The following SH3RF1 variants were observed in gnomAD, a reference collection of about 807,000 sequenced individuals.
SH3RF1 encodes E3 ubiquitin-protein ligase SH3RF1.
In SH3RF1, 32 loss-of-function variants were observed where a neutral mutation model predicts 74.0. The observed-to-expected ratio is 0.43, with a 90% CI of 0.33 to 0.58. The LOEUF (loss-of-function observed/expected upper bound fraction) is 0.58, where lower values mean the gene tolerates loss of function less well. Among genes scored for constraint, SH3RF1 ranks in the 20% least tolerant of loss-of-function variants. SH3RF1 has a pLI of 0.05. For missense variants in SH3RF1, 954 were observed against 1,130.9 expected, an observed-to-expected ratio of 0.84 and a Z score of 2.24; for synonymous variants, 396 against 439.6, an observed-to-expected ratio of 0.90 and a Z score of 1.24.
At chr4:169,142,585 T>G (rs950628051) in intron 4 of SH3RF1, among the ~76,000 whole-genome samples, 9 of 152,246 alleles carry the variant, frequency 5.9e-5, no homozygotes, top group African/African-American at 2.2e-4. Context: ...TTTTTCCACA[T>G]GACTCAGCAG....
chr4:169,249,626 A>G (rs1731064449), intron 2 of SH3RF1, among the ~76,000 whole-genome samples: 1 of 152,218 alleles, frequency 6.6e-6, no homozygotes, highest in African/African-American at 2.4e-5. Context: ...AAAGCACACA[A>G]TTATCTGCTG....
intron 2 of SH3RF1, among the ~76,000 whole-genome samples, chr4:169,253,788 A>C (rs891834319): frequency 5.3e-5 from 8 of 152,276 alleles, no homozygotes; most frequent in African/African-American, 1.4e-4. Flanking sequence ...AAAGATCAAC[A>C]TGACAGTTGG....
intron 2 of SH3RF1, among the ~76,000 whole-genome samples, chr4:169,178,020 C>T (rs770254198): frequency 1.4e-4 from 22 of 151,782 alleles, no homozygotes; most frequent in Non-Finnish European, 2.5e-4. Flanking sequence ...GTGAGTGGAT[C>T]GTTTGGGGTG....
chr4:169,197,244 C>T (rs1168199263), intron 2 of SH3RF1, among the ~76,000 whole-genome samples: 1 of 152,016 alleles, frequency 6.6e-6, no homozygotes, highest in Non-Finnish European at 1.5e-5. Flanking sequence ...TCAGGTGATC[C>T]ACGTGCCTCA....
At chr4:169,236,383 C>T (rs189149001) in intron 2 of SH3RF1, among the ~76,000 whole-genome samples, 18 of 152,238 alleles carry the variant, frequency 1.2e-4, no homozygotes, top group African/African-American at 4.1e-4. Context: ...CTATAATGAG[C>T]GGTGTCCCTC....
rs184867760 is a variant in SH3RF1, at chr4:169,121,285, G to A, written c.1347-296C>T. Among the ~76,000 whole-genome samples the A allele has an allele frequency of 6.6e-5, 10 of 152,294 alleles. No homozygotes were observed. The East Asian group carries it at 1.9e-3, about 29-fold the overall frequency. ...AAGAATTAATGCAGTTTCCAAGAGTGCCTAACTTGCTACCAGAGATTATGT... is the reference window on the plus strand; with the variant it reads ...AAGAATTAATGCAGTTTCCAAGAGTACCTAACTTGCTACCAGAGATTATGT... On this transcript the variant is annotated intron_variant, in intron 7 of 11. Transcript: ENST00000284637.
rs142753366 is a variant in SH3RF1, at chr4:169,133,504, G to A, written c.1068+2814C>T. ...AAAAGAAAAAAAAAAGAGGCTGTGC[G>A]TGGTGGCTCACACCTGTAATCCCAG... On this transcript the variant is annotated intron_variant, in intron 5 of 11. Transcript: ENST00000284637. Among the ~76,000 whole-genome samples, 230 of 152,046 alleles carry A rather than the reference G, an allele frequency of 1.5e-3. 2 individuals are homozygous for A. The highest frequency in any genetic ancestry group is 4.8e-3 in the African/African-American group (200 of 41,480).
intron 1 of SH3RF1, among the ~76,000 whole-genome samples, chr4:169,270,463 G>C (rs1179247439): frequency 1.3e-5 from 2 of 151,458 alleles, no homozygotes; most frequent in Non-Finnish European, 2.9e-5. Flanking sequence ...CTACACGACT[G>C]CGGGAAGTTT....
chr4:169,170,274 T>C (rs1734304084), intron 2 of SH3RF1, among the ~76,000 whole-genome samples: 1 of 152,184 alleles, frequency 6.6e-6, no homozygotes, highest in Non-Finnish European at 1.5e-5. Context: ...ACACATTTTT[T>C]TCTGTTTCTA....
chr4:169,147,600 G>A (rs144339794), intron 4 of SH3RF1, among the ~76,000 whole-genome samples: 270 of 152,274 alleles, frequency 1.8e-3, no homozygotes, highest in African/African-American at 6.1e-3. Flanking sequence ...TCAACATATG[G>A]AGGAATTTTC....
At chr4:169,207,125 C>T (rs1375568613) in intron 2 of SH3RF1, among the ~76,000 whole-genome samples, 1 of 152,012 alleles carries the variant, frequency 6.6e-6, no homozygotes, top group Admixed American at 6.6e-5. Context: ...GCCTGGCTAA[C>T]TTTTTTCTCT....
intron 2 of SH3RF1, among the ~76,000 whole-genome samples, chr4:169,262,593 G>A (rs1731296417): frequency 6.6e-6 from 1 of 152,124 alleles, no homozygotes; most frequent in Non-Finnish European, 1.5e-5. Flanking sequence ...CTTGAACCCA[G>A]GAGGCTGAGG....
chr4:169,234,765 C>T (rs935877537), intron 2 of SH3RF1, among the ~76,000 whole-genome samples: 1 of 152,140 alleles, frequency 6.6e-6, no homozygotes, highest in Non-Finnish European at 1.5e-5. Flanking sequence ...AAACAATTCA[C>T]GGTAAATTGA....
chr4:169,129,523 C>CA (rs577292505), intron 6 of SH3RF1, among the ~76,000 whole-genome samples: 22 of 152,242 alleles, frequency 1.4e-4, no homozygotes, highest in African/African-American at 5.3e-4. Flanking sequence ...GAAGGGAAAT[C>CA]AACATAATCT....
intron 4 of SH3RF1, among the ~76,000 whole-genome samples, chr4:169,138,734 T>C (rs769288460): frequency 6.6e-6 from 1 of 152,190 alleles, no homozygotes; most frequent in Non-Finnish European, 1.5e-5. Context: ...TATAGTCTCA[T>C]CATGATCATA....
At chr4:169,171,423 A>T (rs529608813) in intron 2 of SH3RF1, among the ~76,000 whole-genome samples, 3 of 152,196 alleles carry the variant, frequency 2.0e-5, no homozygotes, top group Admixed American at 2.0e-4. Flanking sequence ...AATGAGGGGG[A>T]AACAGACCGT....
At chr4:169,264,411 C>A (rs1221724627) in intron 2 of SH3RF1, among the ~76,000 whole-genome samples, 2 of 152,120 alleles carry the variant, frequency 1.3e-5, no homozygotes, top group African/African-American at 4.8e-5. Context: ...AATATGGCCA[C>A]ATTGTGAGGT....
Position 169,268,862 on chromosome 4 carries a change from G to A in SH3RF1, c.351C>T (p.Gly117=), listed in dbSNP as rs1340451028. 1.2e-6 allele frequency: 2 copies of A among 1,610,712 alleles called. No individual in the cohort carries two copies. Among genetic ancestry groups the A allele is most frequent in the Non-Finnish European group, 8.5e-7 (1 of 1,179,032 alleles). ...AGGATTGCACCCGAGGCTGCTGTCC[G>A]CCCTGGGAGCTCTGCAGATCTTTTG... The part of the protein sequence containing the change: ...CSSKDLQSSQ[G]GQQPRVQSWS... The change falls in exon 2 of 12, where the codon GGC becomes GGT. Residue 117 remains glycine, a synonymous_variant. Transcript: ENST00000284637.
chr4:169,244,971 A>G (rs978854245), intron 2 of SH3RF1, among the ~76,000 whole-genome samples: 6 of 152,216 alleles, frequency 3.9e-5, no homozygotes, highest in Non-Finnish European at 8.8e-5. Flanking sequence ...ATCACCTGAC[A>G]TACAGAAGTA....
Sources: gnomAD v4.1 joint callset for allele counts (sites outside exome capture counted in the v4.1 genomes callset) on GRCh38, gnomAD v4.1.1 for gene constraint, MANE v1.5 for transcripts, NCBI Gene and HGNC (gene_info 2026-07-23, HGNC 2026-07-21) for gene names.